The following COG6 variants were observed in gnomAD, a reference collection of about 807,000 sequenced individuals.
COG6 encodes the protein conserved oligomeric Golgi complex subunit 6.
COG6 carries 74 observed loss-of-function variants against 88.8 expected under a neutral mutation model. The ratio of observed to expected loss-of-function variants is 0.83; its 90% CI spans 0.69 to 1.01. COG6 has a LOEUF of 1.01. Among genes scored for constraint, COG6 ranks in the 50% least tolerant of loss-of-function variants. COG6 has a pLI of 0.00. For missense variants in COG6, 800 were observed against 797.9 expected (o/e 1.00, Z -0.03); for synonymous variants, 286 against 278.7 (o/e 1.03, Z -0.26).
chr13:39,655,897 G>C lies in COG6; in HGVS notation c.153+18G>C. The stretch of plus-strand genomic sequence containing the variant: ...ACGACAAGGTAACCGGGGCTGGCGG[G>C]GCCGGAGTCACAGGTTCCTGCGGGG... On this transcript the variant is annotated intron_variant, in intron 1 of 18. Coordinates refer to ENST00000455146, the MANE Select transcript of COG6 (RefSeq NM_020751.3). The C allele has an allele frequency of 5.0e-6, 8 of 1,601,110 alleles. No homozygotes were observed. In the South Asian group the frequency reaches 8.9e-5, roughly 18 times the overall value.
chr13:39,732,845 A>T (rs1202195896), intron 18 of COG6, among the ~76,000 whole-genome samples: 2 of 152,184 alleles, frequency 1.3e-5, no homozygotes, highest in African/African-American at 4.8e-5. Flanking sequence ...AATTTTTTCT[A>T]AATGTTATGG....
intron 7 of COG6, among the ~76,000 whole-genome samples, chr13:39,681,164 T>A (rs961950386): frequency 2.0e-5 from 3 of 152,240 alleles, no homozygotes; most frequent in African/African-American, 7.2e-5. Context: ...TGTTACCAAC[T>A]GACTGTTGGA....
intron 2 of COG6, among the ~76,000 whole-genome samples, 178 bp from the exon 3 acceptor site, chr13:39,660,632 T>A (rs1344008540): frequency 1.3e-5 from 2 of 152,236 alleles, no homozygotes; most frequent in Non-Finnish European, 2.9e-5. Context: ...TCTTTACATT[T>A]TTTCTAACAC....
At chr13:39,724,045 A>G (rs1878996080) in intron 16 of COG6, among the ~76,000 whole-genome samples, 1 of 152,062 alleles carries the variant, frequency 6.6e-6, no homozygotes, top group East Asian at 1.9e-4. Context: ...CAGCATTAAC[A>G]TGAAGACTGT....
chr13:39,744,986 G>A (rs1012252289), intron 18 of COG6, among the ~76,000 whole-genome samples: 2 of 150,324 alleles, frequency 1.3e-5, no homozygotes, highest in African/African-American at 4.9e-5. Context: ...AACCTGACAA[G>A]GGGTAAGGAT....
intron 18 of COG6, among the ~76,000 whole-genome samples, chr13:39,739,771 T>A (rs563778347): frequency 6.6e-6 from 1 of 152,298 alleles, no homozygotes; most frequent in Admixed American, 6.5e-5. Flanking sequence ...TCTGTTTACC[T>A]TGGAGCTTCT....
chr13:39,657,939 C>T (rs1447697693), intron 1 of COG6, among the ~76,000 whole-genome samples: 3 of 152,114 alleles, frequency 2.0e-5, no homozygotes, highest in Admixed American at 6.6e-5. Flanking sequence ...TACTGATTGA[C>T]GTCATAGAAC....
chr13:39,664,117 G>A (rs928685157), intron 3 of COG6: 1 of 154,710 alleles, frequency 6.5e-6, no homozygotes, highest in Non-Finnish European at 1.5e-5. Flanking sequence ...AGAACTGGAG[G>A]TGTCTAGGTC....
chr13:39,772,657 G>T (rs1421659591), intron 18 of COG6, among the ~76,000 whole-genome samples: 2 of 152,216 alleles, frequency 1.3e-5, no homozygotes, highest in Non-Finnish European at 2.9e-5. Flanking sequence ...TGGCCTAGGG[G>T]CTCTTCTCAG....
chr13:39,759,519 G>C (rs1320688941), intron 18 of COG6, among the ~76,000 whole-genome samples: 1 of 152,034 alleles, frequency 6.6e-6, no homozygotes, highest in Admixed American at 6.6e-5. Context: ...AGTTAAATAT[G>C]CTGTTTAGAA....
chr13:39,777,972 G>A (rs540028949), intron 18 of COG6, among the ~76,000 whole-genome samples: 2 of 152,140 alleles, frequency 1.3e-5, no homozygotes, highest in Non-Finnish European at 2.9e-5. Context: ...CCAGTGCCAT[G>A]GGCATTAACA....
chr13:39,697,996 A>G (rs1434290689), intron 12 of COG6, among the ~76,000 whole-genome samples: 1 of 152,024 alleles, frequency 6.6e-6, no homozygotes, highest in African/African-American at 2.4e-5. Flanking sequence ...ATTTGTAGAT[A>G]ATACCTAAAA....
In COG6 at chr13:39,758,240, AAAT is replaced by A. The variant is rs1258295457; in HGVS notation, c.1827-30094_1827-30092del. Among the ~76,000 whole-genome samples, 61 of 148,698 alleles carry A rather than the reference AAAT, an allele frequency of 4.1e-4. 1 individual carries two copies. The highest frequency in any genetic ancestry group is 1.5e-3 in the African/African-American group (60 of 39,462). On this transcript the variant is annotated intron_variant, in intron 18 of 18. Coordinates refer to the COG6 transcript ENST00000416691. ...TCTCAAAAAAAAAAAAAAAAAAAAA[AAAT>A]GACGAGCTGGACGCGGTGGCTCATG... is the stretch of plus-strand genomic sequence containing the variant.
In COG6 at chr13:39,751,221, C is replaced by G; in HGVS notation, c.*128C>G. ...TCTTTGTATCATAAGATTGTAAGTCCCGATAATTTTTTTTTTTTTGGTCTC... is the reference window on the plus strand; with the variant it reads ...TCTTTGTATCATAAGATTGTAAGTCGCGATAATTTTTTTTTTTTTGGTCTC... On this transcript the variant is annotated 3_prime_UTR_variant, in exon 19 of 19. Transcript: ENST00000455146. 1 of 1,518,134 alleles carries G rather than the reference C, an allele frequency of 6.6e-7. No individual in the cohort carries two copies. Among genetic ancestry groups the G allele is most frequent in the Non-Finnish European group, 8.8e-7 (1 of 1,137,518 alleles). The allele number at this position is 1,518,134 out of a possible 1,614,324, so 94.0% of individuals were successfully genotyped here. A position where few individuals can be genotyped will look rare whatever the true frequency, so the allele number is the denominator to read the frequency against.
intron 18 of COG6, among the ~76,000 whole-genome samples, chr13:39,745,569 A>G (rs549352336): frequency 6.6e-6 from 1 of 152,354 alleles, no homozygotes; most frequent in African/African-American, 2.4e-5. Flanking sequence ...AATAGTGATC[A>G]TTAAAAAGTC....
chr13:39,666,880 C>G (rs918005778), intron 4 of COG6, among the ~76,000 whole-genome samples: 1 of 152,080 alleles, frequency 6.6e-6, no homozygotes, highest in African/African-American at 2.4e-5. Context: ...TCTTTAATAG[C>G]ACAAAACAAA....
At chr13:39,723,284 C>A (rs1463789021) in intron 15 of COG6, 49 bp from the exon 16 acceptor site, 1 of 1,162,234 alleles carries the variant, frequency 8.6e-7, no homozygotes, top group Admixed American at 1.7e-5. Flanking sequence ...CATCTACTCT[C>A]ATCAGTGTCA....
intron 4 of COG6, among the ~76,000 whole-genome samples, chr13:39,672,651 T>G (rs752333318): frequency 6.6e-6 from 1 of 152,100 alleles, no homozygotes; most frequent in African/African-American, 2.4e-5. Context: ...CACTAGTTGA[T>G]AGACATTTGG....
Position 39,774,449 on chromosome 13 carries a change from T to G in COG6, c.1827-13886T>G, listed in dbSNP as rs868349430. 3.9e-5 allele frequency among the ~76,000 whole-genome samples: 6 copies of G among 152,326 alleles called. No individual in the cohort carries two copies. The Middle Eastern group carries it at 0.014, about 345-fold the overall frequency. On this transcript the variant is annotated intron_variant, in intron 18 of 18. Coordinates refer to the COG6 transcript ENST00000416691. ...GGATATTTAAAAATTTCTTTTCACTTCTGTGGACTTTTATGCTGGTTCTTT... is the reference window on the plus strand; with the variant it reads ...GGATATTTAAAAATTTCTTTTCACTGCTGTGGACTTTTATGCTGGTTCTTT...
Sources: allele counts gnomAD v4.1 joint callset (sites outside exome capture counted in the v4.1 genomes callset), GRCh38; gene constraint gnomAD v4.1.1; transcripts MANE v1.5; gene names NCBI Gene and HGNC (gene_info 2026-07-23, HGNC 2026-07-21).